Variants in CLNK observed in about 807,000 individuals in gnomAD.
CLNK encodes the protein cytokine-dependent hematopoietic cell linker.
A neutral mutation model predicts 68.6 loss-of-function variants in CLNK; 74 were observed. The ratio of observed to expected loss-of-function variants is 1.08; its 90% CI spans 0.89 to 1.31. The LOEUF (loss-of-function observed/expected upper bound fraction) is 1.31, where lower values mean the gene tolerates loss of function less well. CLNK is among the 50% of genes most tolerant of loss of function. CLNK has a pLI of 0.00. For synonymous variants in CLNK, 198 were observed against 172.2 expected (o/e 1.15, Z -1.17); for missense variants, 553 against 515.3 (o/e 1.07, Z -0.71).
intron 2 of CLNK, among the ~76,000 whole-genome samples, chr4:10,657,522 T>C (rs894362708): frequency 6.6e-6 from 1 of 152,200 alleles, no homozygotes; most frequent in Non-Finnish European, 1.5e-5. Flanking sequence ...TTGACAAAGA[T>C]GGTAGAGAAA....
Position 10,507,401 on chromosome 4 carries a change from G to A in CLNK, c.984+558C>T, listed in dbSNP as rs1269204403. ...GCTGGGATTACAGGCGTGAACTGCC[G>A]CATCCGGTCCTCTCCATGTTTTTTT... On this transcript the variant is annotated intron_variant, in intron 17 of 18. Coordinates refer to ENST00000226951, the MANE Select transcript of CLNK (RefSeq NM_052964.4). Among the ~76,000 whole-genome samples, 5 of 151,738 alleles carry A rather than the reference G, an allele frequency of 3.3e-5. No homozygotes were observed. The South Asian group carries it at 6.3e-4, about 19-fold the overall frequency.
At chr4:10,720,773 C>T in the CLNK span, among the ~76,000 whole-genome samples, 195 of 150,514 alleles carry the variant, frequency 1.3e-3, no homozygotes, top group Admixed American at 1.3e-3. Context: ...TGTACGGGGA[C>T]GCTGGAAAAC....
chr4:10,655,005 G>T (rs1166589614), intron 2 of CLNK, among the ~76,000 whole-genome samples: 3 of 150,978 alleles, frequency 2.0e-5, no homozygotes, highest in South Asian at 4.2e-4. Context: ...GGAGGCTGAG[G>T]CAGGAGAATG....
intron 16 of CLNK, 126 bp downstream of exon 16, chr4:10,513,338 A>G (rs1717680825): frequency 2.6e-6 from 2 of 757,742 alleles, no homozygotes; most frequent in African/African-American, 1.8e-5. Context: ...AAACCCAGTA[A>G]CATATAGCCA....
intron 4 of CLNK, among the ~76,000 whole-genome samples, chr4:10,581,655 ATTT>A (rs11287712): frequency 9.4e-5 from 14 of 149,206 alleles, no homozygotes; most frequent in African/African-American, 3.0e-4. Context: ...AGGACCTTTA[ATTT>A]TTTTTTTTTT....
chr4:10,618,892 C>A (rs969193748), intron 2 of CLNK, among the ~76,000 whole-genome samples: 3 of 152,238 alleles, frequency 2.0e-5, no homozygotes, highest in Non-Finnish European at 4.4e-5. Context: ...TCCCACCAGG[C>A]CCCACTTCCA....
At chr4:10,567,134 A>G (rs1414062104) in intron 5 of CLNK, among the ~76,000 whole-genome samples, 12 of 26,738 alleles carry the variant, frequency 4.5e-4, no homozygotes, top group Non-Finnish European at 1.7e-3. Flanking sequence ...ATCTTGGGAA[A>G]AAAAAAAAAA....
chr4:10,558,157 A>T (rs986016800), intron 8 of CLNK, among the ~76,000 whole-genome samples: 6 of 152,226 alleles, frequency 3.9e-5, no homozygotes, highest in African/African-American at 7.2e-5. Context: ...AAAATAATTC[A>T]TTTCCAAAAT....
chr4:10,491,579 T>G (rs973007494), intron 18 of CLNK, among the ~76,000 whole-genome samples: 1 of 152,212 alleles, frequency 6.6e-6, no homozygotes, highest in Non-Finnish European at 1.5e-5. Context: ...TATGACAATT[T>G]AACGGAAAGT....
At chr4:10,720,678 CAAAA>C in the CLNK span, among the ~76,000 whole-genome samples, 2 of 145,888 alleles carry the variant, frequency 1.4e-5, no homozygotes, top group South Asian at 4.5e-4. Context: ...AAAATGCATA[CAAAA>C]AAAAATAGTG....
intron 17 of CLNK, among the ~76,000 whole-genome samples, chr4:10,506,125 C>T (rs919603894): frequency 1.3e-5 from 2 of 152,104 alleles, no homozygotes; most frequent in East Asian, 1.9e-4. Context: ...TGCACATAGT[C>T]ATCATTCGAT....
intron 6 of CLNK, 115 bp downstream of exon 6, chr4:10,565,894 T>TG: frequency 9.0e-7 from 1 of 1,115,030 alleles, no homozygotes; most frequent in Non-Finnish European, 1.3e-6. Flanking sequence ...TAGTAAGTCA[T>TG]GGGGGCAGAC....
At chr4:10,569,831 C>G (rs1720271312) in intron 5 of CLNK, among the ~76,000 whole-genome samples, 1 of 152,154 alleles carries the variant, frequency 6.6e-6, no homozygotes, top group Non-Finnish European at 1.5e-5. Flanking sequence ...ATGACTAAAC[C>G]CACCTTATCT....
chr4:10,562,053 C>T lies in CLNK; in HGVS notation c.399+2618G>A, dbSNP rs7664197. ...GTGCTTCAGGCTGGAAGCACAAAGA[C>T]GCATTTCTTGGATCTTATTGAAGAT... is the stretch of plus-strand genomic sequence containing the variant. On this transcript the variant is annotated intron_variant, in intron 7 of 18. Transcript: ENST00000226951. Among the ~76,000 whole-genome samples, 848 of 151,594 alleles carry T rather than the reference C, an allele frequency of 5.6e-3. 10 individuals are homozygous for T. Among genetic ancestry groups the T allele is most frequent in the African/African-American group, 0.02 (815 of 41,334 alleles).
At chr4:10,560,693 C>T (rs1719852343) in intron 7 of CLNK, among the ~76,000 whole-genome samples, 1 of 152,196 alleles carries the variant, frequency 6.6e-6, no homozygotes, top group African/African-American at 2.4e-5. Flanking sequence ...ATCCCCCTGT[C>T]TTGGCCTCCC....
chr4:10,637,761 AT>A (rs375771015), intron 2 of CLNK, among the ~76,000 whole-genome samples: 45,573 of 140,598 alleles, frequency 0.32, 8,015 homozygotes, highest in African/African-American at 0.49. Context: ...GGCCCAGCTA[AT>A]TTTTTTTTTT....
intron 2 of CLNK, among the ~76,000 whole-genome samples, chr4:10,605,249 C>T (rs950967724): frequency 5.3e-5 from 8 of 152,114 alleles, no homozygotes; most frequent in Admixed American, 2.6e-4. Context: ...TCTCTCTCTA[C>T]GGATACATAT....
At chr4:10,585,255 T>G in intron 3 of CLNK, among the ~76,000 whole-genome samples, 1 of 152,238 alleles carries the variant, frequency 6.6e-6, no homozygotes, top group East Asian at 1.9e-4. Context: ...ATGCATACAT[T>G]TAAACACATA....
the CLNK span, among the ~76,000 whole-genome samples, chr4:10,711,488 T>G: frequency 6.6e-6 from 1 of 152,208 alleles, no homozygotes; most frequent in Admixed American, 6.5e-5. Flanking sequence ...CAGAGAACAC[T>G]GAGAGTCTTA....
Sources: gnomAD v4.1 joint callset for allele counts (sites outside exome capture counted in the v4.1 genomes callset) on GRCh38, gnomAD v4.1.1 for gene constraint, MANE v1.5 for transcripts, NCBI Gene and HGNC (gene_info 2026-07-23, HGNC 2026-07-21) for gene names.